CTTNBP2: variants seen among roughly 807,000 people sequenced by gnomAD.
CTTNBP2 encodes the protein cortactin-binding protein 2.
In CTTNBP2, 108 loss-of-function variants were observed where a neutral mutation model predicts 156.9. The ratio of observed to expected loss-of-function variants is 0.69; its 90% CI spans 0.59 to 0.81. CTTNBP2 has a LOEUF of 0.81. CTTNBP2 is among the 30% of genes least tolerant of loss of function. The pLI, the probability that CTTNBP2 is intolerant of heterozygous loss-of-function variation, is 0.00. For synonymous variants in CTTNBP2, 767 were observed against 751.8 expected, an observed-to-expected ratio of 1.02 and a Z score of -0.33; for missense variants, 1,924 against 2,035.4, an observed-to-expected ratio of 0.95 and a Z score of 1.05.
intron 10 of CTTNBP2, among the ~76,000 whole-genome samples, chr7:117,758,836 C>A (rs1035183669): frequency 2.6e-5 from 4 of 152,196 alleles, no homozygotes; most frequent in African/African-American, 4.8e-5. Flanking sequence ...ACCTCTGAGA[C>A]AAGCATGAAC....
chr7:117,711,700 T>G lies in CTTNBP2; in HGVS notation c.4829A>C (p.Lys1610Thr). The change falls in exon 23 of 23, where the codon AAA becomes ACA. Residue 1610 changes from lysine (K) to threonine (T), a missense_variant. Lys to Thr is a moderately conservative substitution (Grantham distance 78, BLOSUM62 -1). Coordinates refer to ENST00000160373, the MANE Select transcript of CTTNBP2 (RefSeq NM_033427.3). The stretch of plus-strand genomic sequence containing the variant: ...ACTTCTAGGAACAGGAAGAAAAGAT[T>G]TAACTCTTGAAACACCCAACTCAGT... The part of the protein sequence containing the change: ...SKTELGVSRV[K>T]SFLPVPRSKV... 2 of 1,614,094 alleles carry G rather than the reference T, an allele frequency of 1.2e-6. No individual in the cohort carries two copies. Among genetic ancestry groups the G allele is most frequent in the African/African-American group, 1.3e-5 (1 of 75,042 alleles).
chr7:117,722,352 G>A (rs1374712238), intron 19 of CTTNBP2, among the ~76,000 whole-genome samples: 1 of 150,656 alleles, frequency 6.6e-6, no homozygotes, highest in African/African-American at 2.4e-5. Flanking sequence ...TAAAAATAAC[G>A]AGAGGCATGT....
At chr7:117,771,527 G>C (rs963163216) in intron 8 of CTTNBP2, among the ~76,000 whole-genome samples, 3 of 152,182 alleles carry the variant, frequency 2.0e-5, no homozygotes, top group Non-Finnish European at 4.4e-5. Flanking sequence ...CACTTTGCAT[G>C]CTTTTCCATA....
At position 117,756,598 on chromosome 7, in the gene CTTNBP2, G is replaced by A; in HGVS notation, c.3305C>T (p.Ala1102Val). Residue 1102 changes from alanine to valine, a missense_variant, in exon 12 of 23, where the codon GCC becomes GTC. Transcript: ENST00000160373. The part of the protein sequence containing the change: ...QEGCLSSVTY[A>V]SMIPLQMMQN... ...CATCATCTGGAGAGGGATCATGGAGGCATAAGTCACACTACTGAGACAGCC... is the reference window on the plus strand; with the variant it reads ...CATCATCTGGAGAGGGATCATGGAGACATAAGTCACACTACTGAGACAGCC... 6.2e-7 allele frequency: 1 copy of A among 1,613,788 alleles called. No individual in the cohort carries two copies. The highest frequency in any genetic ancestry group is 8.5e-7 in the Non-Finnish European group (1 of 1,179,688).
At chr7:117,748,564 G>A (rs567779538) in intron 12 of CTTNBP2, among the ~76,000 whole-genome samples, 1 of 152,040 alleles carries the variant, frequency 6.6e-6, no homozygotes, top group African/African-American at 2.4e-5. Context: ...AAATATTCAC[G>A]ATCTCACTTC....
At chr7:117,828,269 A>T (rs916696205) in intron 2 of CTTNBP2, among the ~76,000 whole-genome samples, 46 of 152,310 alleles carry the variant, frequency 3.0e-4, no homozygotes, top group African/African-American at 1.1e-3. Context: ...GAAAAGGATC[A>T]TGGGGCAGAC....
intron 4 of CTTNBP2, among the ~76,000 whole-genome samples, chr7:117,788,256 T>C (rs986414281): frequency 2.0e-5 from 3 of 152,304 alleles, no homozygotes; most frequent in Middle Eastern, 3.4e-3. Context: ...ATTACAGGTA[T>C]GATTACTGCA....
intron 2 of CTTNBP2, 36 bp downstream of exon 2, chr7:117,861,173 A>T (rs1217194196): frequency 2.3e-6 from 3 of 1,300,736 alleles, no homozygotes; most frequent in African/African-American, 1.5e-5. Flanking sequence ...AAAGCAAATG[A>T]TCCAGCATGG....
Position 117,719,018 on chromosome 7 carries a change from G to A in CTTNBP2, c.4644+486C>T, listed in dbSNP as rs138424444. Among the ~76,000 whole-genome samples the A allele has an allele frequency of 5.4e-3, 824 of 152,152 alleles. 2 individuals carry two copies. Among genetic ancestry groups the A allele is most frequent in the African/African-American group, 0.019 (771 of 41,518 alleles). ...TCAAGACCAGCCTGACCAACATGGC[G>A]AAACCCTGTCTCTACTAAAAAGTCC... On this transcript the variant is annotated intron_variant, in intron 21 of 22. Transcript: ENST00000160373.
intron 3 of CTTNBP2, among the ~76,000 whole-genome samples, chr7:117,796,215 C>T (rs1210679905): frequency 6.6e-6 from 1 of 152,162 alleles, no homozygotes; most frequent in Non-Finnish European, 1.5e-5. Flanking sequence ...TCTCCCGTCA[C>T]CTCTGGGACT....
intron 2 of CTTNBP2, among the ~76,000 whole-genome samples, chr7:117,833,656 T>C (rs1373607399): frequency 1.3e-5 from 2 of 152,230 alleles, no homozygotes; most frequent in Non-Finnish European, 2.9e-5. Context: ...GAATTCTTCA[T>C]ATTCCACTAC....
rs781254525 is a variant in CTTNBP2 at position 117,725,232 on chromosome 7, C to T, written c.4081G>A (p.Val1361Ile). 1.5e-5 allele frequency: 24 copies of T among 1,613,992 alleles called. No homozygotes were observed. The highest frequency in any genetic ancestry group is 1.8e-5 in the Non-Finnish European group (21 of 1,180,006). ...GCTTCTTGAACTCTGGGTGCGATGA[C>T]GCCATTCCACAGCTTAGACATCCAC... ...VKWMSKLWNGVIAPRVQEAIL... is the reference protein window; with the variant it reads ...VKWMSKLWNGIIAPRVQEAIL... Residue 1361 changes from valine to isoleucine, a missense_variant, in exon 18 of 23, where the codon GTC becomes ATC. Physicochemically the swap from Val to Ile is conservative, Grantham distance 29 (BLOSUM62 3). Coordinates refer to ENST00000160373, the MANE Select transcript of CTTNBP2 (RefSeq NM_033427.3).
chr7:117,798,549 A>G (rs959982308), intron 3 of CTTNBP2, among the ~76,000 whole-genome samples: 2 of 152,164 alleles, frequency 1.3e-5, no homozygotes, highest in African/African-American at 4.8e-5. Flanking sequence ...ATACAAGAAC[A>G]CAGCATACCA....
At position 117,780,547 on chromosome 7, in the gene CTTNBP2, G is replaced by A. The variant is rs1293944267; in HGVS notation, c.2417C>T (p.Ala806Val). 6.3e-7 allele frequency: 1 copy of A among 1,592,818 alleles called. No homozygotes were observed. Among genetic ancestry groups the A allele is most frequent in the Admixed American group, 1.7e-5 (1 of 57,566 alleles). The change falls in exon 7 of 23, where the codon GCT (alanine) becomes GTT (valine). Residue 806 changes from alanine (A) to valine (V), a missense_variant. Physicochemically the swap from Ala to Val is moderately conservative, Grantham distance 64. Transcript: ENST00000160373. ...TAGAGGTGTCTGTCCTCCATCAGCAGCATGATTAATGTTAGCATCATATGA... is the reference window on the plus strand; with the variant it reads ...TAGAGGTGTCTGTCCTCCATCAGCAACATGATTAATGTTAGCATCATATGA... ...LISYDANINH[A>V]ADGGQTPLYL...
At chr7:117,789,918 G>C (rs570790414) in intron 4 of CTTNBP2, among the ~76,000 whole-genome samples, 2 of 152,264 alleles carry the variant, frequency 1.3e-5, no homozygotes, top group Admixed American at 6.5e-5. Flanking sequence ...TCAAAATATG[G>C]ATAAAGCCTC....
intron 3 of CTTNBP2, 21 bp downstream of exon 3, chr7:117,810,744 A>G (rs1800226078): frequency 4.4e-6 from 7 of 1,594,238 alleles, no homozygotes; most frequent in African/African-American, 1.3e-5. Flanking sequence ...GGGGAAAATG[A>G]CCATTTGAAC....
chr7:117,766,564 A>C (rs1390175240), intron 9 of CTTNBP2, among the ~76,000 whole-genome samples: 1 of 152,110 alleles, frequency 6.6e-6, no homozygotes, highest in African/African-American at 2.4e-5. Flanking sequence ...TATACTCCAC[A>C]CTCATAAACC....
intron 2 of CTTNBP2, among the ~76,000 whole-genome samples, chr7:117,860,624 GTT>G (rs1187635833): frequency 6.6e-6 from 1 of 151,780 alleles, no homozygotes; most frequent in African/African-American, 2.4e-5. Context: ...ATTCACCATT[GTT>G]TTTTCAAAAA....
intron 8 of CTTNBP2, among the ~76,000 whole-genome samples, chr7:117,770,031 C>G (rs1246272223): frequency 6.6e-6 from 1 of 152,160 alleles, no homozygotes; most frequent in Non-Finnish European, 1.5e-5. Flanking sequence ...TTGGCCTGTA[C>G]TAAACTCCCA....
Sources: allele counts gnomAD v4.1 joint callset (sites outside exome capture counted in the v4.1 genomes callset), GRCh38; gene constraint gnomAD v4.1.1; transcripts MANE v1.5; gene names NCBI Gene and HGNC (gene_info 2026-07-23, HGNC 2026-07-21).